The following DAGLB variants were observed in gnomAD, a reference collection of about 807,000 sequenced individuals.
DAGLB encodes the protein diacylglycerol lipase beta.
Under a neutral mutation model 72.1 loss-of-function variants are expected in DAGLB, and 66 were observed. The observed-to-expected ratio is 0.92, with a 90% CI of 0.75 to 1.12. DAGLB has a LOEUF of 1.12. DAGLB is among the 50% of genes most tolerant of loss of function. The pLI is 0.00. For synonymous variants in DAGLB, 414 were observed against 359.5 expected (o/e 1.15, Z -1.71); for missense variants, 1,065 against 884.9 (o/e 1.20, Z -2.58).
chr7:6,417,572 A>G (rs1206095141), intron 9 of DAGLB: 6 of 152,156 alleles, frequency 3.9e-5, no homozygotes, highest in Non-Finnish European at 5.9e-5. Flanking sequence ...GACTTTTTAC[A>G]TAACATTTAA....
In DAGLB at chr7:6,424,808, G is replaced by T; in HGVS notation, c.1084C>A (p.Leu362Met). The T allele has an allele frequency of 6.2e-7, 1 of 1,613,936 alleles. No homozygotes were observed. Among genetic ancestry groups the T allele is most frequent in the Non-Finnish European group, 8.5e-7 (1 of 1,179,896 alleles). ...KVYELPFLVALDHRKESVVVA... is the reference protein window; with the variant it reads ...KVYELPFLVAMDHRKESVVVA... ...ACAACAGACTCTTTCCTGTGATCCAGAGCCACTAAAAACGGCAGCTCGTAA... is the reference window on the plus strand; with the variant it reads ...ACAACAGACTCTTTCCTGTGATCCATAGCCACTAAAAACGGCAGCTCGTAA... Residue 362 changes from leucine to methionine, a missense_variant, in exon 8 of 15, where the codon CTG becomes ATG. Physicochemically the swap from Leu to Met is conservative, Grantham distance 15. Transcript: ENST00000297056.
intron 2 of DAGLB, among the ~76,000 whole-genome samples, chr7:6,436,907 G>C (rs1294014132): frequency 6.6e-6 from 1 of 151,934 alleles, no homozygotes; most frequent in African/African-American, 2.4e-5. Flanking sequence ...AGCACTTTGG[G>C]AGGAGGCCAA....
chr7:6,422,971 C>A (rs987018364), intron 8 of DAGLB, among the ~76,000 whole-genome samples: 1 of 152,188 alleles, frequency 6.6e-6, no homozygotes, highest in Non-Finnish European at 1.5e-5. Context: ...AGATCCGATC[C>A]GTGTTCTAGA....
chr7:6,434,727 G>T, intron 4 of DAGLB, 35 bp downstream of exon 4: 1 of 1,610,200 alleles, frequency 6.2e-7, no homozygotes, highest in South Asian at 1.1e-5. Context: ...TACTGAAACA[G>T]AAGAAACAGA....
chr7:6,414,997 T>TG, intron 11 of DAGLB, among the ~76,000 whole-genome samples: 1 of 152,016 alleles, frequency 6.6e-6, no homozygotes, highest in Admixed American at 6.6e-5. Flanking sequence ...AGCAAGACCC[T>TG]GTTCCTTACA....
At chr7:6,410,554 C>T (rs74649676) in intron 13 of DAGLB, among the ~76,000 whole-genome samples, 174 bp from the exon 14 acceptor site, 4,076 of 152,270 alleles carry the variant, frequency 0.027, 87 homozygotes, top group South Asian at 0.097. Context: ...GCCACCTCGG[C>T]TCAGGACAAG....
At position 6,410,278 on chromosome 7, in the gene DAGLB, G is replaced by T. The variant is rs1326348907; in HGVS notation, c.1672C>A (p.Pro558Thr). 1 of 1,613,842 alleles carries T rather than the reference G, an allele frequency of 6.2e-7. No individual in the cohort carries two copies. Among genetic ancestry groups the T allele is most frequent in the Non-Finnish European group, 8.5e-7 (1 of 1,179,910 alleles). Residue 558 changes from proline to threonine, a missense_variant, in exon 14 of 15, where the codon CCT becomes ACT. By Grantham distance (38) the Pro-to-Thr change is conservative. Transcript: ENST00000297056. ...DGGDQEVLTQPLLGEQSLLTR... is the reference protein window; with the variant it reads ...DGGDQEVLTQTLLGEQSLLTR... ...AGTAGGCTCTGCTCCCCCAGAAGAG[G>T]CTGTGTCAGGACTTCCTGGTCGCCC...
At chr7:6,431,910 C>G (rs1784498514) in intron 5 of DAGLB, among the ~76,000 whole-genome samples, 1 of 152,202 alleles carries the variant, frequency 6.6e-6, no homozygotes, top group African/African-American at 2.4e-5. Context: ...CAATCAGATT[C>G]CAACCCTGCT....
chr7:6,442,067 G>GGGCAA (rs1334868009), intron 2 of DAGLB, among the ~76,000 whole-genome samples: 1 of 152,070 alleles, frequency 6.6e-6, no homozygotes, highest in Admixed American at 6.6e-5. Context: ...CTTCCTAGAG[G>GGGCAA]GGCAAGGAAG....
Position 6,409,878 on chromosome 7 carries a change from A to T in DAGLB, c.1978T>A (p.Ser660Thr). The change falls in exon 15 of 15, where the codon TCC (serine) becomes ACC (threonine). Residue 660 changes from serine (S) to threonine (T), a missense_variant. Physicochemically the swap from Ser to Thr is moderately conservative, Grantham distance 58. Transcript: ENST00000297056. ...SVVSDRAACV[S>T]CPAQGVSSVD... Reference sequence around the variant, plus strand: ...CTGGAGACCCCTTGTGCTGGACAGGAGACGCAGGCCGCTCTGTCGGAGACC... The same window carrying T: ...CTGGAGACCCCTTGTGCTGGACAGGTGACGCAGGCCGCTCTGTCGGAGACC... 1 of 1,614,042 alleles carries T rather than the reference A, an allele frequency of 6.2e-7. No individual in the cohort carries two copies.
intron 2 of DAGLB, among the ~76,000 whole-genome samples, chr7:6,444,033 G>A (rs372486842): frequency 3.9e-5 from 6 of 152,148 alleles, no homozygotes; most frequent in East Asian, 3.9e-4. Flanking sequence ...TTGGGAGACC[G>A]AGACGAGAGG....
At chr7:6,436,598 C>CA in intron 2 of DAGLB, 65 bp from the exon 3 acceptor site, 1 of 1,600,872 alleles carries the variant, frequency 6.2e-7, no homozygotes, top group Non-Finnish European at 8.5e-7. Flanking sequence ...TTCCTTTTTG[C>CA]AAAAATACAG....
chr7:6,418,036 A>C (rs1783976237), intron 9 of DAGLB, among the ~76,000 whole-genome samples: 1 of 151,858 alleles, frequency 6.6e-6, no homozygotes, highest in East Asian at 1.9e-4. Flanking sequence ...ACACCCAGCT[A>C]ATTTTTGTAT....
At position 6,447,937 on chromosome 7, in the gene DAGLB, G is replaced by T; in HGVS notation, c.-95C>A. On this transcript the variant is annotated 5_prime_UTR_variant, in exon 1 of 15. Coordinates refer to ENST00000297056, the MANE Select transcript of DAGLB (RefSeq NM_139179.4). Reference sequence around the variant, plus strand: ...TCCGGACGCCGCCACCAAATTATCGGCGCTCAAGCGCAAACGCAGCGAGGG... The same window carrying T: ...TCCGGACGCCGCCACCAAATTATCGTCGCTCAAGCGCAAACGCAGCGAGGG... 6.8e-7 allele frequency: 1 copy of T among 1,461,336 alleles called. No homozygotes were observed. Among genetic ancestry groups the T allele is most frequent in the Non-Finnish European group, 9.0e-7 (1 of 1,109,970 alleles). 90.5% of individuals were successfully genotyped at this position (1,461,336 alleles called of 1,614,324 possible). A position where few individuals can be genotyped will look rare whatever the true frequency, so the allele number is the denominator to read the frequency against.
rs1375417859 is a variant in DAGLB, at chr7:6,443,215, AC to A, written c.247+2737del. 3.2e-4 allele frequency among the ~76,000 whole-genome samples: 47 copies of A among 148,594 alleles called. No individual in the cohort carries two copies. In the South Asian group the frequency reaches 7.1e-3, roughly 22 times the overall value. On this transcript the variant is annotated intron_variant, in intron 2 of 14. Coordinates refer to ENST00000297056, the MANE Select transcript of DAGLB (RefSeq NM_139179.4). ...AAAAAAAAAACAAAAAACAAAAAAA[AC>A]AAAACAAAACAAACAAAAAACTTTG...
At chr7:6,427,196 C>A (rs1784341231) in intron 6 of DAGLB, among the ~76,000 whole-genome samples, 1 of 152,106 alleles carries the variant, frequency 6.6e-6, no homozygotes, top group South Asian at 2.1e-4. Context: ...AGCAGATGCC[C>A]TTTTTGTAGT....
intron 11 of DAGLB, among the ~76,000 whole-genome samples, chr7:6,416,080 A>C (rs1783904323): frequency 6.6e-6 from 1 of 152,088 alleles, no homozygotes; most frequent in Non-Finnish European, 1.5e-5. Context: ...AGGGTATGAG[A>C]GATCCCTACA....
intron 2 of DAGLB, among the ~76,000 whole-genome samples, chr7:6,438,506 C>T (rs1287420405): frequency 1.3e-5 from 2 of 151,408 alleles, no homozygotes; most frequent in Admixed American, 1.3e-4. Context: ...AAAAAAAACA[C>T]AGTCCTATAT....
At chr7:6,440,425 A>G (rs1451950316) in intron 2 of DAGLB, among the ~76,000 whole-genome samples, 2 of 152,050 alleles carry the variant, frequency 1.3e-5, no homozygotes, top group Non-Finnish European at 2.9e-5. Flanking sequence ...GAGCTACAGA[A>G]GAAGAGGATC....
Sources: gnomAD v4.1 joint callset for allele counts (sites outside exome capture counted in the v4.1 genomes callset) on GRCh38, gnomAD v4.1.1 for gene constraint, MANE v1.5 for transcripts, NCBI Gene and HGNC (gene_info 2026-07-23, HGNC 2026-07-21) for gene names.